The following ITGBL1 variants were observed in gnomAD, a reference collection of about 807,000 sequenced individuals.
The protein encoded by ITGBL1 is integrin subunit beta like 1, also known as integrin beta-like protein 1.
In ITGBL1, 51 loss-of-function variants were observed where a neutral mutation model predicts 68.5. The observed-to-expected ratio is 0.74, with a 90% CI of 0.59 to 0.94. ITGBL1 has a LOEUF of 0.94. Among genes scored for constraint, ITGBL1 ranks in the 40% least tolerant of loss-of-function variants. The probability of loss-of-function intolerance (pLI) is 0.00; values close to 1 mark genes in which losing one functional copy is unlikely to be tolerated. For synonymous variants in ITGBL1, 209 were observed against 227.3 expected (o/e 0.92, Z 0.72); for missense variants, 649 against 647.4 (o/e 1.00, Z -0.03).
At chr13:101,560,086 G>A (rs2050074889) in intron 2 of ITGBL1, among the ~76,000 whole-genome samples, 1 of 152,118 alleles carries the variant, frequency 6.6e-6, no homozygotes, top group African/African-American at 2.4e-5. Flanking sequence ...TAAAAATGGT[G>A]AAGTTTCTAT....
intron 2 of ITGBL1, among the ~76,000 whole-genome samples, chr13:101,545,407 A>T (rs530815567): frequency 6.6e-6 from 1 of 152,364 alleles, no homozygotes; most frequent in South Asian, 2.1e-4. Context: ...TACACCAATG[A>T]GTAGAGAGAA....
intron 2 of ITGBL1, among the ~76,000 whole-genome samples, chr13:101,544,897 T>C (rs2049790147): frequency 6.6e-6 from 1 of 152,176 alleles, no homozygotes; most frequent in Non-Finnish European, 1.5e-5. Context: ...GCTAAGACCA[T>C]TGGAAAAGCG....
intron 2 of ITGBL1, among the ~76,000 whole-genome samples, chr13:101,522,573 C>T (rs950911198): frequency 2.0e-5 from 3 of 152,112 alleles, no homozygotes; most frequent in Non-Finnish European, 4.4e-5. Flanking sequence ...AGAAGGGAGA[C>T]TTATCAAGTA....
Position 101,628,036 on chromosome 13 carries a change from G to T in ITGBL1, c.1015+29737G>T, listed in dbSNP as rs557776259. Among the ~76,000 whole-genome samples the T allele has an allele frequency of 3.3e-5, 5 of 151,450 alleles. No individual in the cohort carries two copies. The South Asian group carries it at 1.0e-3, about 32-fold the overall frequency. On this transcript the variant is annotated intron_variant, in intron 7 of 10. Transcript: ENST00000376180. ...AAACTGCTGAACTGTCTTCCAAAGA[G>T]GCTGTAGCATTTTGCATTCCCACCA...
chr13:101,613,774 C>A (rs918738371), intron 7 of ITGBL1, among the ~76,000 whole-genome samples: 2 of 152,112 alleles, frequency 1.3e-5, no homozygotes, highest in South Asian at 2.1e-4. Flanking sequence ...TCCCACCCGA[C>A]TTGATTTGTC....
intron 2 of ITGBL1, among the ~76,000 whole-genome samples, chr13:101,468,254 A>G (rs1323158682): frequency 2.0e-5 from 3 of 152,208 alleles, no homozygotes; most frequent in African/African-American, 4.8e-5. Flanking sequence ...TGCTTCAAGA[A>G]AGAAAGTATT....
At chr13:101,658,623 G>A (rs1325917654) in intron 7 of ITGBL1, among the ~76,000 whole-genome samples, 1 of 152,084 alleles carries the variant, frequency 6.6e-6, no homozygotes, top group Non-Finnish European at 1.5e-5. Flanking sequence ...GGCAATTAGG[G>A]AAGTGGTTTT....
At chr13:101,659,039 A>ATTTTTTTTTTTTTTTTTTTTTT (rs55935871) in intron 7 of ITGBL1, among the ~76,000 whole-genome samples, 1 of 103,848 alleles carries the variant, frequency 9.6e-6, no homozygotes, top group Non-Finnish European at 1.8e-5. Context: ...TGGTGATTGA[A>ATTTTTTTTTTTTTTTTTTTTTT]TTTTTTTTTT....
At chr13:101,668,259 C>T (rs1033541646) in intron 7 of ITGBL1, among the ~76,000 whole-genome samples, 3 of 151,968 alleles carry the variant, frequency 2.0e-5, no homozygotes, top group Non-Finnish European at 2.9e-5. Flanking sequence ...ATGGTGGTGG[C>T]CTCCTATAAT....
At position 101,542,478 on chromosome 13, in the gene ITGBL1, A is replaced by G. The variant is rs367739379; in HGVS notation, c.317-25221A>G. 3.9e-5 allele frequency among the ~76,000 whole-genome samples: 6 copies of G among 152,282 alleles called. No homozygotes were observed. The East Asian group carries it at 9.6e-4, about 24-fold the overall frequency. On this transcript the variant is annotated intron_variant, in intron 2 of 10. Transcript: ENST00000376180. Reference sequence around the variant, plus strand: ...GCTGAGGAGTGCTTTACTTCCAACTATATGGTCAATTTTGGAATAAGTGTG... The same window carrying G: ...GCTGAGGAGTGCTTTACTTCCAACTGTATGGTCAATTTTGGAATAAGTGTG...
At chr13:101,702,747 C>G (rs2034164810) in intron 8 of ITGBL1, among the ~76,000 whole-genome samples, 2 of 152,172 alleles carry the variant, frequency 1.3e-5, no homozygotes, top group Non-Finnish European at 2.9e-5. Context: ...ACTAGAAGCT[C>G]TCTTTCTCTT....
At chr13:101,657,225 C>T (rs1486996638) in intron 7 of ITGBL1, among the ~76,000 whole-genome samples, 1 of 152,182 alleles carries the variant, frequency 6.6e-6, no homozygotes, top group East Asian at 1.9e-4. Flanking sequence ...TTTTATTATG[C>T]TTAGCCCAGT....
At chr13:101,651,940 T>C (rs2032766750) in intron 7 of ITGBL1, among the ~76,000 whole-genome samples, 1 of 152,154 alleles carries the variant, frequency 6.6e-6, no homozygotes, top group Non-Finnish European at 1.5e-5. Context: ...TCTTTCCCCA[T>C]TGCTTGTTTT....
At chr13:101,670,482 G>T (rs958805392) in intron 7 of ITGBL1, among the ~76,000 whole-genome samples, 2 of 152,168 alleles carry the variant, frequency 1.3e-5, no homozygotes, top group African/African-American at 4.8e-5. Flanking sequence ...ATTAGTGAGG[G>T]AAACTGAGCT....
chr13:101,563,433 A>G (rs993127633), intron 2 of ITGBL1, among the ~76,000 whole-genome samples: 2 of 151,834 alleles, frequency 1.3e-5, no homozygotes, highest in African/African-American at 4.8e-5. Context: ...CAGGACATAC[A>G]AATATTACCA....
intron 7 of ITGBL1, among the ~76,000 whole-genome samples, chr13:101,645,580 G>A (rs192338675): frequency 3.3e-5 from 5 of 152,108 alleles, no homozygotes; most frequent in African/African-American, 9.6e-5. Flanking sequence ...TCTCTCATTC[G>A]GGGAAATTAA....
intron 7 of ITGBL1, among the ~76,000 whole-genome samples, chr13:101,655,471 A>G (rs1237526668): frequency 6.6e-6 from 1 of 152,220 alleles, no homozygotes; most frequent in Non-Finnish European, 1.5e-5. Flanking sequence ...ATGTAATTAA[A>G]GCATTGATAA....
At chr13:101,648,752 T>C (rs2032646311) in intron 7 of ITGBL1, among the ~76,000 whole-genome samples, 1 of 152,116 alleles carries the variant, frequency 6.6e-6, no homozygotes, top group African/African-American at 2.4e-5. Flanking sequence ...TGAAAGAGTA[T>C]ATTCTGCATA....
intron 7 of ITGBL1, among the ~76,000 whole-genome samples, chr13:101,632,731 A>G (rs1345720637): frequency 1.3e-5 from 2 of 152,200 alleles, no homozygotes; most frequent in African/African-American, 4.8e-5. Context: ...TGAAAGATAC[A>G]CATTTTCTTT....
Sources: allele counts gnomAD v4.1 joint callset (sites outside exome capture counted in the v4.1 genomes callset), GRCh38; gene constraint gnomAD v4.1.1; transcripts MANE v1.5; gene names NCBI Gene and HGNC (gene_info 2026-07-23, HGNC 2026-07-21).